The following CFAP54 variants were observed in gnomAD, a reference collection of about 807,000 sequenced individuals.
CFAP54 encodes cilia- and flagella-associated protein 54.
In CFAP54, 290 loss-of-function variants were observed where a neutral mutation model predicts 370.4. The observed-to-expected ratio is 0.78, with a 90% CI of 0.71 to 0.86. The LOEUF (loss-of-function observed/expected upper bound fraction) is 0.86, where lower values mean the gene tolerates loss of function less well. Among genes scored for constraint, CFAP54 ranks in the 40% least tolerant of loss-of-function variants. The pLI is 0.00. For missense variants in CFAP54, 3,399 were observed against 3,528.7 expected (o/e 0.96, Z 0.93); for synonymous variants, 1,206 against 1,236.5 (o/e 0.98, Z 0.52).
At chr12:96,499,473 C>T (rs191225719) in intron 1 of CFAP54, among the ~76,000 whole-genome samples, 5 of 152,230 alleles carry the variant, frequency 3.3e-5, no homozygotes, top group East Asian at 1.9e-4. Context: ...CACCAAATGC[C>T]GGTAAGGATG....
chr12:96,577,163 AGT>A (rs1044126232), intron 20 of CFAP54, among the ~76,000 whole-genome samples: 1 of 152,212 alleles, frequency 6.6e-6, no homozygotes, highest in Non-Finnish European at 1.5e-5. Flanking sequence ...GAGGCAGCAG[AGT>A]GTGTAAAATT....
chr12:96,848,436 C>T (rs957701643), intron 66 of CFAP54, among the ~76,000 whole-genome samples: 3 of 152,138 alleles, frequency 2.0e-5, no homozygotes, highest in Non-Finnish European at 2.9e-5. Context: ...CAGTGGCTCA[C>T]GCCTGTAATC....
chr12:96,671,339 T>C (rs963307463), intron 39 of CFAP54, among the ~76,000 whole-genome samples: 1 of 152,212 alleles, frequency 6.6e-6, no homozygotes, highest in Non-Finnish European at 1.5e-5. Context: ...CCATATGTTT[T>C]CTTTTTTTCT....
At chr12:96,799,228 G>A (rs538282297) in intron 63 of CFAP54, among the ~76,000 whole-genome samples, 67 of 152,232 alleles carry the variant, frequency 4.4e-4, no homozygotes, top group African/African-American at 1.4e-3. Context: ...TTTTAAAAAC[G>A]CAGCAGTTGG....
At chr12:96,826,695 TA>T (rs1459368221) in intron 65 of CFAP54, among the ~76,000 whole-genome samples, 1 of 110,632 alleles carries the variant, frequency 9.0e-6, no homozygotes, top group Non-Finnish European at 1.6e-5. Context: ...TATTACATAT[TA>T]TAATATATAA....
chr12:96,554,858 T>C, intron 17 of CFAP54, 56 bp downstream of exon 17: 3 of 1,369,394 alleles, frequency 2.2e-6, no homozygotes, highest in South Asian at 1.9e-5. Flanking sequence ...CAGACTCCAG[T>C]ACAGAATCAA....
chr12:96,524,229 T>A (rs1165268966), intron 8 of CFAP54, among the ~76,000 whole-genome samples: 2 of 152,178 alleles, frequency 1.3e-5, no homozygotes, highest in Non-Finnish European at 2.9e-5. Context: ...TAGTGATTTA[T>A]TCAATAAATA....
At chr12:96,611,732 G>C (rs1292565299) in intron 26 of CFAP54, among the ~76,000 whole-genome samples, 2 of 152,180 alleles carry the variant, frequency 1.3e-5, no homozygotes, top group Non-Finnish European at 2.9e-5. Context: ...GAGAACTACT[G>C]ATGAATGCAC....
intron 39 of CFAP54, among the ~76,000 whole-genome samples, chr12:96,664,195 T>C (rs1403878739): frequency 1.3e-5 from 2 of 152,130 alleles, no homozygotes; most frequent in Admixed American, 1.3e-4. Flanking sequence ...TAGGTAAACT[T>C]GTGTCATGGG....
intron 63 of CFAP54, among the ~76,000 whole-genome samples, chr12:96,798,166 T>C (rs1958786350): frequency 6.6e-6 from 1 of 152,148 alleles, no homozygotes; most frequent in South Asian, 2.1e-4. Flanking sequence ...GAAATGTTTG[T>C]TTTTTAAATT....
intron 60 of CFAP54, among the ~76,000 whole-genome samples, chr12:96,777,639 G>A (rs1298057170): frequency 6.6e-6 from 1 of 151,936 alleles, no homozygotes; most frequent in Non-Finnish European, 1.5e-5. Context: ...GTGAGCCACT[G>A]CGCCTGGCCC....
At chr12:96,860,009 A>T (rs1959829114) in intron 66 of CFAP54, among the ~76,000 whole-genome samples, 1 of 152,200 alleles carries the variant, frequency 6.6e-6, no homozygotes. Context: ...GTGACAAAAA[A>T]GTTAACAAAA....
chr12:96,619,714 T>C (rs1956463824), intron 26 of CFAP54, among the ~76,000 whole-genome samples: 1 of 152,234 alleles, frequency 6.6e-6, no homozygotes, highest in Non-Finnish European at 1.5e-5. Flanking sequence ...ATCTGTAAGC[T>C]TAGGACCTAA....
At chr12:96,685,340 C>A in intron 42 of CFAP54, 102 bp downstream of exon 42, 1 of 985,738 alleles carries the variant, frequency 1.0e-6, no homozygotes, top group Non-Finnish European at 1.6e-6. Context: ...CACTGGATTT[C>A]TGGGAGGTTA....
intron 60 of CFAP54, among the ~76,000 whole-genome samples, chr12:96,775,158 G>A (rs1469769042): frequency 6.6e-6 from 1 of 152,068 alleles, no homozygotes; most frequent in Non-Finnish European, 1.5e-5. Flanking sequence ...GGCCGGGCGC[G>A]GTGACTCACG....
chr12:96,677,001 T>C (rs1957216457), intron 39 of CFAP54, among the ~76,000 whole-genome samples: 1 of 32,702 alleles, frequency 3.1e-5, no homozygotes, highest in Admixed American at 3.1e-4. Flanking sequence ...AAAATAAATT[T>C]CTTTTCTTTT....
chr12:96,538,621 A>T (rs1489085989), intron 13 of CFAP54, 103 bp downstream of exon 13: 3 of 1,177,172 alleles, frequency 2.5e-6, no homozygotes, highest in Non-Finnish European at 3.6e-6. Flanking sequence ...CACCTGGTTA[A>T]TGACTTTCAT....
At chr12:96,833,125 T>C (rs963709453) in intron 66 of CFAP54, among the ~76,000 whole-genome samples, 1 of 152,194 alleles carries the variant, frequency 6.6e-6, no homozygotes, top group Non-Finnish European at 1.5e-5. Context: ...GAGTGCCCCA[T>C]GCTTTCCTTC....
At chr12:96,635,832 A>G (rs375758113) in intron 32 of CFAP54, among the ~76,000 whole-genome samples, 1 of 152,190 alleles carries the variant, frequency 6.6e-6, no homozygotes, top group African/African-American at 2.4e-5. Context: ...GAAGGTACAT[A>G]CCAAGGGCAA....
Sources: gnomAD v4.1 joint callset for allele counts (sites outside exome capture counted in the v4.1 genomes callset) on GRCh38, gnomAD v4.1.1 for gene constraint, MANE v1.5 for transcripts, NCBI Gene and HGNC (gene_info 2026-07-23, HGNC 2026-07-21) for gene names.